Variants in SORBS2 observed in about 807,000 individuals in gnomAD.
SORBS2 encodes sorbin and SH3 domain-containing protein 2.
In SORBS2, 46 loss-of-function variants were observed where a neutral mutation model predicts 97.7. That is an observed-to-expected ratio of 0.47 (90% confidence interval 0.37 to 0.60). The LOEUF is 0.60. SORBS2 is among the 20% of genes least tolerant of loss of function. The pLI, the probability that SORBS2 is intolerant of heterozygous loss-of-function variation, is 0.00. For synonymous variants in SORBS2, 476 were observed against 473.4 expected (o/e 1.01, Z -0.07); for missense variants, 1,316 against 1,282.3 (o/e 1.03, Z -0.40).
At chr4:185,727,844 G>C (rs1442469797) in intron 2 of SORBS2, among the ~76,000 whole-genome samples, 1 of 152,172 alleles carries the variant, frequency 6.6e-6, no homozygotes. Context: ...ACTGATTAAT[G>C]TTTGTCCCTG....
chr4:185,600,798 G>A (rs2096244095), intron 12 of SORBS2, among the ~76,000 whole-genome samples: 1 of 150,688 alleles, frequency 6.6e-6, no homozygotes, highest in Non-Finnish European at 1.5e-5. Flanking sequence ...ACATTTGTTG[G>A]AGGCAAAATT....
intron 1 of SORBS2, among the ~76,000 whole-genome samples, chr4:185,785,791 A>G (rs1449746595): frequency 6.6e-6 from 1 of 152,234 alleles, no homozygotes; most frequent in East Asian, 1.9e-4. Flanking sequence ...GGCTTGGAGA[A>G]TCAAGAGTTC....
At chr4:185,835,728 T>C (rs1301748897) in intron 1 of SORBS2, among the ~76,000 whole-genome samples, 1 of 151,502 alleles carries the variant, frequency 6.6e-6, no homozygotes, top group African/African-American at 2.4e-5. Context: ...TTTAGCCAGT[T>C]TATCTCCTCT....
intron 2 of SORBS2, among the ~76,000 whole-genome samples, chr4:185,748,780 C>T (rs2098780454): frequency 6.6e-6 from 1 of 152,208 alleles, no homozygotes; most frequent in African/African-American, 2.4e-5. Flanking sequence ...CTAAACCTGG[C>T]TTATGATTAG....
intron 2 of SORBS2, among the ~76,000 whole-genome samples, chr4:185,728,723 C>G (rs1464295077): frequency 1.3e-5 from 2 of 152,092 alleles, no homozygotes; most frequent in Non-Finnish European, 2.9e-5. Context: ...CTATTTTCTT[C>G]TCTCCCAGGG....
At chr4:185,894,872 C>G (rs573825980) in intron 1 of SORBS2, among the ~76,000 whole-genome samples, 1 of 152,176 alleles carries the variant, frequency 6.6e-6, no homozygotes, top group Non-Finnish European at 1.5e-5. Context: ...CTCCTCGGAG[C>G]CTAGCACTTT....
chr4:185,589,964 G>A, intron 13 of SORBS2, 179 bp from the exon 26 acceptor site: 3 of 479,106 alleles, frequency 6.3e-6, no homozygotes, highest in Non-Finnish European at 1.1e-5. Context: ...CTGGTAAGCA[G>A]GTACATAGCA....
At chr4:185,661,443 G>A (rs554336648), upstream of SORBS2, among the ~76,000 whole-genome samples, 3 of 152,270 alleles carry the variant, frequency 2.0e-5, no homozygotes, top group Admixed American at 6.5e-5. Flanking sequence ...ATGAACGTCC[G>A]TATGTCCATT....
At chr4:185,876,731 G>T (rs2099233901) in intron 1 of SORBS2, among the ~76,000 whole-genome samples, 1 of 152,178 alleles carries the variant, frequency 6.6e-6, no homozygotes, top group Admixed American at 6.5e-5. Context: ...GAACTTGGAA[G>T]TAGAAAGTAG....
At chr4:185,717,385 T>C (rs956569913) in intron 2 of SORBS2, among the ~76,000 whole-genome samples, 4 of 152,198 alleles carry the variant, frequency 2.6e-5, no homozygotes, top group South Asian at 2.1e-4. Context: ...AAGGGAGCCA[T>C]GGATATCTCT....
At chr4:185,718,291 A>G (rs1418653251) in intron 2 of SORBS2, among the ~76,000 whole-genome samples, 1 of 152,206 alleles carries the variant, frequency 6.6e-6, no homozygotes, top group Non-Finnish European at 1.5e-5. Context: ...ACAAATGATT[A>G]CAGAAATATG....
At chr4:185,920,184 T>C (rs1025996701) in intron 1 of SORBS2, among the ~76,000 whole-genome samples, 1 of 152,202 alleles carries the variant, frequency 6.6e-6, no homozygotes, top group African/African-American at 2.4e-5. Flanking sequence ...GACTTTAAAA[T>C]TCACTCTTTC....
In SORBS2 at chr4:185,588,895, A is replaced by T. The variant is rs56828543; in HGVS notation, c.2953+784T>A. Among the ~76,000 whole-genome samples, 809 of 152,210 alleles carry T rather than the reference A, an allele frequency of 5.3e-3. 4 individuals carry two copies. The highest frequency in any genetic ancestry group is 0.019 in the African/African-American group (776 of 41,532). The stretch of plus-strand genomic sequence containing the variant: ...CTCCCAAAGTGCTAGAATTACAGGC[A>T]TGAGCCACCGCACCCGGCCTTTTTT... On this transcript the variant is annotated intron_variant, in intron 14 of 14. Transcript: ENST00000418609.
At chr4:185,914,205 A>G (rs1428007508) in intron 1 of SORBS2, among the ~76,000 whole-genome samples, 1 of 152,238 alleles carries the variant, frequency 6.6e-6, no homozygotes, top group Non-Finnish European at 1.5e-5. Flanking sequence ...TGAAAAATAG[A>G]AAACAACACT....
intron 1 of SORBS2, among the ~76,000 whole-genome samples, chr4:185,894,699 C>T (rs1036131081): frequency 1.3e-5 from 2 of 152,150 alleles, no homozygotes; most frequent in Non-Finnish European, 2.9e-5. Flanking sequence ...AGCTCCATTG[C>T]GCTGACACAG....
intron 4 of SORBS2, chr4:185,677,626 G>A: frequency 6.6e-7 from 1 of 1,511,004 alleles, no homozygotes; most frequent in Non-Finnish European, 8.8e-7. Context: ...TTTCTTTCTG[G>A]TGGAGGGGGT....
intron 1 of SORBS2, among the ~76,000 whole-genome samples, chr4:185,792,526 A>AGAGG (rs1218790922): frequency 1.7e-4 from 25 of 151,064 alleles, no homozygotes; most frequent in Middle Eastern, 6.8e-3. Flanking sequence ...GAAGAGAGAG[A>AGAGG]GAGGGAGGGA....
chr4:185,931,841 A>G (rs1220422863), intron 1 of SORBS2, among the ~76,000 whole-genome samples: 1 of 147,430 alleles, frequency 6.8e-6, no homozygotes, highest in Non-Finnish European at 1.5e-5. Flanking sequence ...ATGCAGAAAG[A>G]GAAGAAAGAT....
chr4:185,875,216 A>G (rs1283061392), intron 1 of SORBS2, among the ~76,000 whole-genome samples: 1 of 152,222 alleles, frequency 6.6e-6, no homozygotes, highest in Non-Finnish European at 1.5e-5. Flanking sequence ...ATAGTTAATA[A>G]CAATTTGCAA....
Sources: allele counts gnomAD v4.1 joint callset (sites outside exome capture counted in the v4.1 genomes callset), GRCh38; gene constraint gnomAD v4.1.1; transcripts MANE v1.5; gene names NCBI Gene and HGNC (gene_info 2026-07-23, HGNC 2026-07-21).